The following MRGPRX3 variants were observed in gnomAD, a reference collection of about 807,000 sequenced individuals.
MRGPRX3 encodes mas-related G protein-coupled receptor member X3.
A neutral mutation model predicts 16.5 loss-of-function variants in MRGPRX3; 14 were observed. The ratio of observed to expected loss-of-function variants is 0.85; its 90% CI spans 0.56 to 1.33. The LOEUF (loss-of-function observed/expected upper bound fraction) is 1.33, where lower values mean the gene tolerates loss of function less well. MRGPRX3 is among the 40% of genes most tolerant of loss of function. The pLI, the probability that MRGPRX3 is intolerant of heterozygous loss-of-function variation, is 0.00. For missense variants in MRGPRX3, 449 were observed against 413.0 expected (o/e 1.09, Z -0.76); for synonymous variants, 199 against 180.1 (o/e 1.10, Z -0.84).
At chr11:18,136,794 G>A (rs893117744) in intron 1 of MRGPRX3, among the ~76,000 whole-genome samples, 1 of 152,154 alleles carries the variant, frequency 6.6e-6, no homozygotes, top group East Asian at 1.9e-4. Flanking sequence ...TTCCTGTCCA[G>A]AGATGACCAG....
intron 1 of MRGPRX3, 129 bp from the exon 2 acceptor site, chr11:18,137,049 T>C (rs1003334209): frequency 5.0e-6 from 5 of 993,268 alleles, no homozygotes; most frequent in African/African-American, 1.6e-5. Flanking sequence ...CACCTTTTGA[T>C]AGGTGACTTA....
At chr11:18,137,144 A>G in intron 1 of MRGPRX3, 34 bp from the exon 2 acceptor site, 1 of 1,529,902 alleles carries the variant, frequency 6.5e-7, no homozygotes. Flanking sequence ...CAGAGATCAA[A>G]CAGCTGGTGA....
At chr11:18,123,207 C>T (rs1848857556) in intron 1 of MRGPRX3, among the ~76,000 whole-genome samples, 1 of 152,142 alleles carries the variant, frequency 6.6e-6, no homozygotes, top group Non-Finnish European at 1.5e-5. Context: ...TCCCATTTGT[C>T]AATTTTGGCT....
intron 1 of MRGPRX3, among the ~76,000 whole-genome samples, chr11:18,125,235 T>C (rs1252712124): frequency 6.6e-6 from 1 of 152,198 alleles, no homozygotes; most frequent in African/African-American, 2.4e-5. Context: ...TGCTAGCTTT[T>C]GAATGTGTTT....
chr11:18,136,487 T>C (rs1179110193), intron 1 of MRGPRX3, among the ~76,000 whole-genome samples: 1 of 152,244 alleles, frequency 6.6e-6, no homozygotes, highest in East Asian at 1.9e-4. Flanking sequence ...ATTTTCTTCA[T>C]CTAATTATAT....
rs368979926 is a variant in MRGPRX3, at chr11:18,138,178, A to G, written c.*7A>G. The G allele has an allele frequency of 2.6e-5, 42 of 1,593,006 alleles. No individual in the cohort carries two copies. The highest frequency in any genetic ancestry group is 1.7e-4 in the Middle Eastern group (1 of 5,974). ...AAGCAGATTGGAGCAGTGAGGAAGA[A>G]CCTCTGCCCTGTCAGACAGGACTTT... is the stretch of plus-strand genomic sequence containing the variant. On this transcript the variant is annotated 3_prime_UTR_variant, in exon 2 of 2. Transcript: ENST00000621697.
At chr11:18,122,027 G>GAAAAAAAAAA (rs57582114) in intron 1 of MRGPRX3, among the ~76,000 whole-genome samples, 1 of 137,308 alleles carries the variant, frequency 7.3e-6, no homozygotes, top group Admixed American at 7.3e-5. Flanking sequence ...AAGAAAAAAA[G>GAAAAAAAAAA]AAAAAAAAAA....
At position 18,137,339 on chromosome 11, in the gene MRGPRX3, C is replaced by G; in HGVS notation, c.137C>G (p.Ala46Gly). Residue 46 changes from alanine (A) to glycine (G), a missense_variant, in exon 2 of 2, where the codon GCG (alanine) becomes GGG (glycine). Physicochemically the swap from Ala to Gly is moderately conservative, Grantham distance 60. Coordinates refer to ENST00000621697, the MANE Select transcript of MRGPRX3 (RefSeq NM_001370464.1). ...TCCCTTGTCGCGCTGACAGGAAACG[C>G]GGTTGTGCTCTGGCTCCTGGGCTGC... ...IVSLVALTGN[A>G]VVLWLLGCRM... is the part of the protein sequence containing the mutation. 6.2e-7 allele frequency: 1 copy of G among 1,614,178 alleles called. No individual in the cohort carries two copies. Among genetic ancestry groups the G allele is most frequent in the South Asian group, 1.1e-5 (1 of 91,078 alleles).
chr11:18,128,084 T>A (rs989475007), upstream of MRGPRX3, among the ~76,000 whole-genome samples: 4 of 152,206 alleles, frequency 2.6e-5, no homozygotes, highest in Non-Finnish European at 5.9e-5. Context: ...TGCAGAACAG[T>A]GGATACTGGT....
intron 1 of MRGPRX3, among the ~76,000 whole-genome samples, chr11:18,135,962 T>C (rs2134085458): frequency 6.6e-6 from 1 of 152,266 alleles, no homozygotes; most frequent in Admixed American, 6.5e-5. Context: ...AAAGAGGCAA[T>C]ACCTAATAAA....
chr11:18,138,214 C>T lies in MRGPRX3; in HGVS notation c.*43C>T. ...GTCAGACAGGACTTTGAGAGCAATG[C>T]TGCCCTGCCACCCTTGACAATTATA... On this transcript the variant is annotated 3_prime_UTR_variant, in exon 2 of 2. Coordinates refer to ENST00000621697, the MANE Select transcript of MRGPRX3 (RefSeq NM_001370464.1). 1 of 1,546,408 alleles carries T rather than the reference C, an allele frequency of 6.5e-7. No individual in the cohort carries two copies. The highest frequency in any genetic ancestry group is 2.3e-5 in the East Asian group (1 of 44,282).
chr11:18,137,619 A>G lies in MRGPRX3; in HGVS notation c.417A>G (p.Ser139=), dbSNP rs751892122. ...ACTGCCGCCGCCCCAGATACCTGTC[A>G]TCAGTCATGTGTGTCCTGCTCTGGG... The part of the protein sequence containing the change: ...WYHCRRPRYL[S]SVMCVLLWAL... Residue 139 remains serine, a synonymous_variant, in exon 2 of 2, where the codon TCA becomes TCG. Transcript: ENST00000621697. 8 of 1,613,838 alleles carry G rather than the reference A, an allele frequency of 5.0e-6. No homozygotes were observed. In the Admixed American group the frequency reaches 1.3e-4, roughly 27 times the overall value.
chr11:18,122,835 C>G (rs546634722), intron 1 of MRGPRX3, among the ~76,000 whole-genome samples: 3 of 152,214 alleles, frequency 2.0e-5, no homozygotes, highest in Non-Finnish European at 4.4e-5. Context: ...TCTCCACATC[C>G]TCTCCAGCAT....
At chr11:18,121,743 G>T (rs370024204) in intron 1 of MRGPRX3, among the ~76,000 whole-genome samples, 6 of 152,154 alleles carry the variant, frequency 3.9e-5, no homozygotes, top group African/African-American at 1.4e-4. Flanking sequence ...GTCCACTCAG[G>T]GTTAAATGGA....
intron 1 of MRGPRX3, among the ~76,000 whole-genome samples, chr11:18,133,807 G>C (rs942911371): frequency 2.4e-4 from 37 of 152,170 alleles, no homozygotes; most frequent in African/African-American, 8.2e-4. Flanking sequence ...CTAATACACA[G>C]ACAGAGAGCC....
Position 18,137,366 on chromosome 11 carries a change from G to A in MRGPRX3, c.164G>A (p.Arg55His), listed in dbSNP as rs749858617. ...NAVVLWLLGC[R>H]MRRNAVSIYI... is the part of the protein sequence containing the mutation. ...GTTGTGCTCTGGCTCCTGGGCTGCC[G>A]CATGCGCAGGAACGCTGTCTCCATC... The change falls in exon 2 of 2, where the codon CGC (arginine) becomes CAC (histidine). Residue 55 changes from arginine to histidine, a missense_variant. Transcript: ENST00000621697. 74 of 1,614,154 alleles carry A rather than the reference G, an allele frequency of 4.6e-5. No homozygotes were observed. Among genetic ancestry groups the A allele is most frequent in the South Asian group, 4.4e-5 (4 of 91,076 alleles).
chr11:18,132,366 T>C (rs902414377), upstream of MRGPRX3: 2 of 152,226 alleles, frequency 1.3e-5, no homozygotes, highest in Non-Finnish European at 2.9e-5. Context: ...TTGCTTAATG[T>C]GATGCCTAGG....
intron 1 of MRGPRX3, among the ~76,000 whole-genome samples, chr11:18,136,813 A>G (rs1002746661): frequency 1.1e-4 from 17 of 152,206 alleles, no homozygotes; most frequent in African/African-American, 3.9e-4. Flanking sequence ...AGTCCTGGTC[A>G]TGAGGGTGTC....
Position 18,137,374 on chromosome 11 carries a change from A to T in MRGPRX3, c.172A>T (p.Arg58Trp), listed in dbSNP as rs188809883. Residue 58 changes from arginine to tryptophan, a missense_variant, in exon 2 of 2, where the codon AGG (arginine) becomes TGG (tryptophan). Arg to Trp is a moderately radical substitution (Grantham distance 101). Transcript: ENST00000621697. Reference protein sequence around the residue: ...VLWLLGCRMRRNAVSIYILNL... With the variant: ...VLWLLGCRMRWNAVSIYILNL... ...CTGGCTCCTGGGCTGCCGCATGCGC[A>T]GGAACGCTGTCTCCATCTACATCCT... 3.1e-6 allele frequency: 5 copies of T among 1,614,184 alleles called. No individual in the cohort carries two copies. Among genetic ancestry groups the T allele is most frequent in the Non-Finnish European group, 4.2e-6 (5 of 1,180,022 alleles).
Sources: gnomAD v4.1 joint callset for allele counts (sites outside exome capture counted in the v4.1 genomes callset) on GRCh38, gnomAD v4.1.1 for gene constraint, MANE v1.5 for transcripts, NCBI Gene and HGNC (gene_info 2026-07-23, HGNC 2026-07-21) for gene names.